BNC2: variants seen among roughly 807,000 people sequenced by gnomAD.
BNC2 encodes the protein basonuclin zinc finger protein 2, also known as zinc finger protein basonuclin-2.
Under a neutral mutation model 76.3 loss-of-function variants are expected in BNC2, and 20 were observed. That is an observed-to-expected ratio of 0.26 (90% CI 0.18 to 0.38). The LOEUF is 0.38. Among genes scored for constraint, BNC2 ranks in the 10% least tolerant of loss-of-function variants. The pLI, the probability that BNC2 is intolerant of heterozygous loss-of-function variation, is 1.00. For synonymous variants in BNC2, 582 were observed against 514.8 expected (o/e 1.13, Z -1.77); for missense variants, 1,382 against 1,399.8 (o/e 0.99, Z 0.20).
At chr9:16,787,530 G>A (rs3927535) in intron 1 of BNC2, among the ~76,000 whole-genome samples, 139,364 of 152,204 alleles carry the variant, frequency 0.92, 63,805 homozygotes, top group East Asian at 0.99. Flanking sequence ...AGACAAGAAT[G>A]ACATGCTTTA....
chr9:16,554,252 G>T (rs924532716), intron 4 of BNC2, among the ~76,000 whole-genome samples: 1 of 152,146 alleles, frequency 6.6e-6, no homozygotes, highest in East Asian at 1.9e-4. Context: ...TTAAAAGTGC[G>T]TGCACACAGA....
At chr9:16,655,910 T>G (rs1821915483) in intron 3 of BNC2, among the ~76,000 whole-genome samples, 1 of 152,180 alleles carries the variant, frequency 6.6e-6, no homozygotes, top group African/African-American at 2.4e-5. Flanking sequence ...GCCACAGATG[T>G]ACTGACCTCT....
At chr9:16,614,629 A>G (rs1014097885) in intron 3 of BNC2, among the ~76,000 whole-genome samples, 31 of 143,436 alleles carry the variant, frequency 2.2e-4, no homozygotes, top group African/African-American at 7.6e-4. Context: ...CAGTAAGGTG[A>G]TATGGAAGAG....
chr9:16,628,643 G>T (rs1340594617), intron 3 of BNC2, among the ~76,000 whole-genome samples: 1 of 152,236 alleles, frequency 6.6e-6, no homozygotes, highest in African/African-American at 2.4e-5. Context: ...AGAGCAATTC[G>T]CAGATTATCA....
At chr9:16,801,402 T>C (rs1189911745) in intron 1 of BNC2, among the ~76,000 whole-genome samples, 2 of 139,776 alleles carry the variant, frequency 1.4e-5, no homozygotes, top group Admixed American at 8.0e-5. Context: ...TTAATTTTTC[T>C]ATTTTTTTTT....
At chr9:16,612,151 C>A (rs1237943105) in intron 3 of BNC2, among the ~76,000 whole-genome samples, 1 of 151,804 alleles carries the variant, frequency 6.6e-6, no homozygotes. Flanking sequence ...AAAATGTGGA[C>A]GTCTTTCTTT....
At chr9:16,614,918 T>G (rs892765111) in intron 3 of BNC2, among the ~76,000 whole-genome samples, 8 of 146,318 alleles carry the variant, frequency 5.5e-5, no homozygotes, top group African/African-American at 2.1e-4. Flanking sequence ...ATCGGGCCAC[T>G]GTATTCCAGC....
At chr9:16,675,291 T>A (rs1279628108) in intron 3 of BNC2, among the ~76,000 whole-genome samples, 1 of 152,146 alleles carries the variant, frequency 6.6e-6, no homozygotes, top group African/African-American at 2.4e-5. Context: ...TCACCCAGGC[T>A]GGAGTTCAGT....
intron 5 of BNC2, among the ~76,000 whole-genome samples, chr9:16,548,031 G>A (rs1156526841): frequency 2.0e-5 from 3 of 152,152 alleles, no homozygotes; most frequent in Non-Finnish European, 4.4e-5. Flanking sequence ...GTAAGACACA[G>A]AAGAGTTGAG....
At chr9:16,629,352 C>CTCACTACATTCAGAAGAT (rs1033084431) in intron 3 of BNC2, among the ~76,000 whole-genome samples, 3 of 152,208 alleles carry the variant, frequency 2.0e-5, no homozygotes, top group African/African-American at 7.2e-5. Context: ...GGCCAGAAGA[C>CTCACTACATTCAGAAGAT]TCACTACATT....
At chr9:16,691,315 G>A (rs887716252) in intron 3 of BNC2, among the ~76,000 whole-genome samples, 7 of 152,080 alleles carry the variant, frequency 4.6e-5, no homozygotes, top group Non-Finnish European at 2.9e-5. Context: ...CTCTACATTT[G>A]ATAAAAATGG....
At chr9:16,766,510 A>T (rs1007930564) in intron 1 of BNC2, among the ~76,000 whole-genome samples, 1 of 152,094 alleles carries the variant, frequency 6.6e-6, no homozygotes, top group Non-Finnish European at 1.5e-5. Context: ...CTTAATGAAA[A>T]ATTTCTATCT....
intron 5 of BNC2, among the ~76,000 whole-genome samples, chr9:16,518,283 A>G (rs1817498958): frequency 6.6e-6 from 1 of 152,006 alleles, no homozygotes; most frequent in Non-Finnish European, 1.5e-5. Flanking sequence ...AAAAATACAA[A>G]ATTAGCTGGG....
intron 6 of BNC2, among the ~76,000 whole-genome samples, chr9:16,428,485 ATCTG>A (rs1237944339): frequency 6.6e-6 from 1 of 152,222 alleles, no homozygotes; most frequent in African/African-American, 2.4e-5. Context: ...ATTAAGAATG[ATCTG>A]TCTTTTGATA....
chr9:16,738,495 G>C lies in BNC2; in HGVS notation c.4-10C>G. 1 of 1,613,838 alleles carries C rather than the reference G, an allele frequency of 6.2e-7. No homozygotes were observed. The highest frequency in any genetic ancestry group is 8.5e-7 in the Non-Finnish European group (1 of 1,179,834). On this transcript the variant is annotated splice_polypyrimidine_tract_variant and intron_variant, in intron 1 of 6. Transcript: ENST00000380672. ...TGGGCCCAAGGTGTGCCTATTGAGA[G>C]ATTGGGAAAGGAAATTACATATGCC...
intron 3 of BNC2, among the ~76,000 whole-genome samples, chr9:16,693,368 G>T (rs1440830751): frequency 1.3e-5 from 2 of 152,140 alleles, no homozygotes; most frequent in Non-Finnish European, 2.9e-5. Context: ...CACACTGACA[G>T]ACAAGACCAA....
rs1820542035 is a variant in BNC2 at position 16,414,477 on chromosome 9, A to C, written c.*4512T>G. 6.6e-6 allele frequency: 1 copy of C among 152,214 alleles called. No homozygotes were observed. The highest frequency in any genetic ancestry group is 2.4e-5 in the African/African-American group (1 of 41,460). 9.4% of individuals were successfully genotyped at this position (152,214 alleles called of 1,614,324 possible). ...CTAATTTAAATACTTCAAGTTTGGG[A>C]GAAGATAAGTGATTTTAAAGAATGA... On this transcript the variant is annotated 3_prime_UTR_variant, in exon 7 of 7. Transcript: ENST00000380672.
chr9:16,456,768 G>A (rs1356046318), intron 5 of BNC2, among the ~76,000 whole-genome samples: 3 of 152,148 alleles, frequency 2.0e-5, no homozygotes, highest in African/African-American at 7.2e-5. Context: ...TGTCGGTAGG[G>A]TAGGGAAAGA....
chr9:16,654,349 C>A (rs1821870355), intron 3 of BNC2, among the ~76,000 whole-genome samples: 2 of 152,106 alleles, frequency 1.3e-5, no homozygotes, highest in African/African-American at 4.8e-5. Context: ...TTAAAATAAA[C>A]AATGCTCATC....
Sources: allele counts gnomAD v4.1 joint callset (sites outside exome capture counted in the v4.1 genomes callset), GRCh38; gene constraint gnomAD v4.1.1; transcripts MANE v1.5; gene names NCBI Gene and HGNC (gene_info 2026-07-23, HGNC 2026-07-21).